The following LONRF2 variants were observed in gnomAD, a reference collection of about 807,000 sequenced individuals.
LONRF2 encodes LON peptidase N-terminal domain and ring finger 2, also known as LON peptidase N-terminal domain and RING finger protein 2.
A neutral mutation model predicts 66.6 loss-of-function variants in LONRF2; 35 were observed. That is an observed-to-expected ratio of 0.53 (90% CI 0.40 to 0.70). The LOEUF is 0.70. Among genes scored for constraint, LONRF2 ranks in the 30% least tolerant of loss-of-function variants. LONRF2 has a pLI of 0.00. For synonymous variants in LONRF2, 417 were observed against 418.1 expected (o/e 1.00, Z 0.03); for missense variants, 902 against 1,002.1 (o/e 0.90, Z 1.35).
chr2:100,317,861 T>C (rs1675538593), intron 1 of LONRF2, among the ~76,000 whole-genome samples: 1 of 152,214 alleles, frequency 6.6e-6, no homozygotes, highest in African/African-American at 2.4e-5. Flanking sequence ...CTGTCTTCTC[T>C]AAATGCATTT....
chr2:100,309,121 G>C lies in LONRF2; in HGVS notation c.784C>G (p.Pro262Ala). The C allele has an allele frequency of 6.3e-7, 1 of 1,590,202 alleles. No individual in the cohort carries two copies. Among genetic ancestry groups the C allele is most frequent in the Non-Finnish European group, 8.5e-7 (1 of 1,169,824 alleles). ...AATACAAATACCTTAATCAAGAGAG[G>C]TTCATTCTGACAAGCTGCACTGGCA... ...QDASAACQNEPLLIKGHQVKA... is the reference protein window; with the variant it reads ...QDASAACQNEALLIKGHQVKA... The change falls in exon 2 of 12, where the codon CCT (proline) becomes GCT (alanine). Residue 262 changes from proline (P) to alanine (A), a missense_variant. Coordinates refer to ENST00000393437, the MANE Select transcript of LONRF2 (RefSeq NM_198461.4).
At chr2:100,307,845 T>C (rs1272538278) in intron 2 of LONRF2, among the ~76,000 whole-genome samples, 1 of 152,260 alleles carries the variant, frequency 6.6e-6, no homozygotes, top group African/African-American at 2.4e-5. Flanking sequence ...TTGCACCTGA[T>C]AAATTATATA....
chr2:100,289,695 C>T (rs1573111122), intron 10 of LONRF2, among the ~76,000 whole-genome samples: 1 of 152,286 alleles, frequency 6.6e-6, no homozygotes, highest in African/African-American at 2.4e-5. Context: ...CTTGGCCTCC[C>T]AAAGTGCTGG....
intron 1 of LONRF2, among the ~76,000 whole-genome samples, chr2:100,311,296 G>GA (rs1305362076): frequency 5.3e-5 from 8 of 151,314 alleles, no homozygotes; most frequent in Non-Finnish European, 1.0e-4. Flanking sequence ...GAGATTTGGG[G>GA]AAAAAAATGT....
In LONRF2 at chr2:100,321,845, G is replaced by A; in HGVS notation, c.249C>T (p.Gly83=). The change falls in exon 1 of 12, where the codon GGC becomes GGT. Residue 83 remains glycine, a synonymous_variant. Transcript: ENST00000393437. ...GCCGCAGCGCCCCGAGCCGCGCGGC[G>A]CCGCGGAACGCGCCCAGGGCTTCGG... The part of the protein sequence containing the change: ...RLPEALGAFR[G]AARLGALRPE... The A allele has an allele frequency of 8.7e-7, 1 of 1,153,396 alleles. No homozygotes were observed. Among genetic ancestry groups the A allele is most frequent in the Non-Finnish European group, 1.1e-6 (1 of 940,598 alleles). The allele number at this position is 1,153,396 out of a possible 1,614,324, so 71.4% of individuals were successfully genotyped here.
At position 100,322,185 on chromosome 2, in the gene LONRF2, C is replaced by T; in HGVS notation, c.-92G>A. On this transcript the variant is annotated 5_prime_UTR_variant, in exon 1 of 12. Transcript: ENST00000393437. ...GGGAACTGGCCGGCGGGAGCGCGGT[C>T]TCAGCCCTCGCCAGCAGCCACGCGC... is the stretch of plus-strand genomic sequence containing the variant. 1 of 1,170,992 alleles carries T rather than the reference C, an allele frequency of 8.5e-7. No individual in the cohort carries two copies. Among genetic ancestry groups the T allele is most frequent in the Non-Finnish European group, 1.1e-6 (1 of 941,210 alleles). 72.5% of individuals were successfully genotyped at this position (1,170,992 alleles called of 1,614,324 possible).
At chr2:100,297,030 T>C (rs572070189) in intron 7 of LONRF2, among the ~76,000 whole-genome samples, 1 of 152,354 alleles carries the variant, frequency 6.6e-6, no homozygotes, top group South Asian at 2.1e-4. Context: ...ATTCATTCAT[T>C]CAACAAAGAC....
intron 1 of LONRF2, among the ~76,000 whole-genome samples, chr2:100,312,840 G>T (rs934312680): frequency 2.0e-5 from 3 of 152,184 alleles, no homozygotes; most frequent in African/African-American, 7.2e-5. Flanking sequence ...CAAAACTAAA[G>T]GAGTTCTCCA....
chr2:100,287,922 A>T (rs1674879612), intron 10 of LONRF2, among the ~76,000 whole-genome samples: 3 of 152,214 alleles, frequency 2.0e-5, no homozygotes. Context: ...ACAAAATTCC[A>T]GTACCTACAA....
rs1047785461 is a variant in LONRF2, at chr2:100,303,035, T to C, written c.807A>G (p.Gln269=). 5.6e-6 allele frequency: 9 copies of C among 1,604,874 alleles called. No homozygotes were observed. The highest frequency in any genetic ancestry group is 7.7e-6 in the Non-Finnish European group (9 of 1,175,762). The change falls in exon 3 of 12, where the codon CAA becomes CAG. Residue 269 remains glutamine (Q), a synonymous_variant. Coordinates refer to ENST00000393437, the MANE Select transcript of LONRF2 (RefSeq NM_198461.4). ...QNEPLLIKGH[Q]VKAQALSGLG... ...ATCCAGAAAGAGCCTGAGCTTTTAC[T>C]TGATGTCCCTAGATTCACCGAAGAC...
At position 100,284,388 on chromosome 2, in the gene LONRF2, C is replaced by A; in HGVS notation, c.2175G>T (p.Arg725=). 6.2e-7 allele frequency: 1 copy of A among 1,600,576 alleles called. No homozygotes were observed. ...AILGMTSLKE[R]LLAIRRILVI... ...CTAATATCCGTCGGATGGCAAGGAG[C>A]CGCTCTTTGAGCGAGGTCATGCCGA... The change falls in exon 12 of 12, where the codon CGG becomes CGT. Residue 725 remains arginine (R), a synonymous_variant. Transcript: ENST00000393437.
chr2:100,299,122 G>T, intron 6 of LONRF2, 104 bp downstream of exon 6: 1 of 879,734 alleles, frequency 1.1e-6, no homozygotes, highest in Non-Finnish European at 1.8e-6. Flanking sequence ...TTATTACTGA[G>T]CTCTCCCTAG....
intron 1 of LONRF2, among the ~76,000 whole-genome samples, chr2:100,315,245 TC>T (rs1400605752): frequency 6.6e-6 from 1 of 152,200 alleles, no homozygotes; most frequent in African/African-American, 2.4e-5. Context: ...AAAGTTTTTT[TC>T]CTATTTGTTT....
At chr2:100,303,811 A>G (rs1675233010) in intron 2 of LONRF2, among the ~76,000 whole-genome samples, 2 of 152,166 alleles carry the variant, frequency 1.3e-5, no homozygotes, top group South Asian at 2.1e-4. Context: ...ATCATTGCTT[A>G]TAAGTTGAGT....
At position 100,316,092 on chromosome 2, in the gene LONRF2, G is replaced by A. The variant is rs981364480; in HGVS notation, c.679+5323C>T. 8.9e-4 allele frequency among the ~76,000 whole-genome samples: 135 copies of A among 151,962 alleles called. 2 individuals are homozygous for A. The highest frequency in any genetic ancestry group is 5.5e-3 in the Admixed American group (84 of 15,276). ...TCCCAGCACTTTGGGAGGCAGAGGC[G>A]GGCAGATCACGAGGTCAGAGATCGA... On this transcript the variant is annotated intron_variant, in intron 1 of 11. Transcript: ENST00000393437.
Position 100,299,757 on chromosome 2 carries a change from A to G in LONRF2, c.1227T>C (p.Asp409=). 6.2e-7 allele frequency: 1 copy of G among 1,614,134 alleles called. No individual in the cohort carries two copies. The highest frequency in any genetic ancestry group is 8.5e-7 in the Non-Finnish European group (1 of 1,180,016). The change falls in exon 5 of 12, where the codon GAT becomes GAC. Residue 409 remains aspartate, a synonymous_variant. Transcript: ENST00000393437. ...TTCCAGGGGCGTTCAGGTCAGGTGC[A>G]TCCTCCACGTCATCCGGAAACTGTC... The part of the protein sequence containing the change: ...LKRQFPDDVE[D]APDLNAPGKI...
At position 100,278,595 on chromosome 2, in the gene LONRF2, G is replaced by C. The variant is rs1573104120; in HGVS notation, c.*5703C>G. The C allele has an allele frequency of 6.6e-6, 1 of 152,140 alleles. No individual in the cohort carries two copies. Among genetic ancestry groups the C allele is most frequent in the African/African-American group, 2.4e-5 (1 of 41,422 alleles). 9.4% of individuals were successfully genotyped at this position (152,140 alleles called of 1,614,324 possible). A position where few individuals can be genotyped will look rare whatever the true frequency, so the allele number is the denominator to read the frequency against. ...ATGATCCAGAGACCCAGACCCTCCA[G>C]GTAAGCCACTGTTTCAACCAAACGC... On this transcript the variant is annotated 3_prime_UTR_variant, in exon 12 of 12. Coordinates refer to ENST00000393437, the MANE Select transcript of LONRF2 (RefSeq NM_198461.4).
chr2:100,287,159 C>T, intron 10 of LONRF2, 96 bp from the exon 11 acceptor site: 1 of 1,163,468 alleles, frequency 8.6e-7, no homozygotes, highest in South Asian at 2.1e-5. Flanking sequence ...GGATTTGTGG[C>T]AGTTAGCATT....
Position 100,294,311 on chromosome 2 carries a change from G to A in LONRF2, c.1675C>T (p.Pro559Ser), listed in dbSNP as rs1675020951. ...TVPCPLHVFEPRYRLMIRRCM... is the reference protein window; with the variant it reads ...TVPCPLHVFESRYRLMIRRCM... The stretch of plus-strand genomic sequence containing the variant: ...CTTCTTATCATAAGCCGATAGCGGG[G>A]CTCAAAAACGTGGAGTGGACATGGG... Residue 559 changes from proline (P) to serine (S), a missense_variant, in exon 9 of 12, where the codon CCC becomes TCC. Pro to Ser is a moderately conservative substitution (Grantham distance 74). Around this residue, in one of 2 missense-constraint regions of LONRF2, gnomAD observed 317 missense variants for 432.2 expected, o/e 0.73. Transcript: ENST00000393437. 6.2e-7 allele frequency: 1 copy of A among 1,609,550 alleles called. No individual in the cohort carries two copies. Among genetic ancestry groups the A allele is most frequent in the Non-Finnish European group, 8.5e-7 (1 of 1,178,336 alleles).
Sources: gnomAD v4.1 joint callset for allele counts (sites outside exome capture counted in the v4.1 genomes callset) on GRCh38, gnomAD v4.1.1 for gene constraint, gnomAD v4.1.1 regional missense constraint, MANE v1.5 for transcripts, NCBI Gene and HGNC (gene_info 2026-07-23, HGNC 2026-07-21) for gene names.